Variants in ERC1 observed in about 807,000 individuals in gnomAD.
ERC1 encodes RAB6 interacting protein 2.
Under a neutral mutation model 132.0 loss-of-function variants are expected in ERC1, and 56 were observed. The ratio of observed to expected loss-of-function variants is 0.42; its 90% CI spans 0.34 to 0.53. The LOEUF is 0.53. Ranked by LOEUF, ERC1 falls within the 20% of genes least tolerant of loss-of-function variation. The pLI is 0.03. For missense variants in ERC1, 1,202 were observed against 1,349.9 expected, an observed-to-expected ratio of 0.89 and a Z score of 1.72; for synonymous variants, 478 against 476.1, an observed-to-expected ratio of 1.00 and a Z score of -0.05.
chr12:1,081,947 A>G lies in ERC1; in HGVS notation c.670-1217A>G, dbSNP rs149555340. Among the ~76,000 whole-genome samples, 905 of 145,664 alleles carry G rather than the reference A, an allele frequency of 6.2e-3. 5 individuals are homozygous for G. Among genetic ancestry groups the G allele is most frequent in the African/African-American group, 0.02 (838 of 41,356 alleles). ...TGGTACAATCTGGCATATACAAACT[A>G]CTTGTTAAATGTTAATATTTATTAT... On this transcript the variant is annotated intron_variant, in intron 2 of 18. Coordinates refer to ENST00000360905, the MANE Select transcript of ERC1 (RefSeq NM_178040.4).
intron 2 of ERC1, among the ~76,000 whole-genome samples, chr12:1,028,802 T>C (rs1967380504): frequency 6.6e-6 from 1 of 152,096 alleles, no homozygotes; most frequent in Non-Finnish European, 1.5e-5. Context: ...CTTGGTTCTT[T>C]TCTCTGGTTT....
intron 10 of ERC1, among the ~76,000 whole-genome samples, 157 bp from the exon 11 acceptor site, chr12:1,183,124 A>G (rs1954667250): frequency 6.6e-6 from 1 of 152,198 alleles, no homozygotes; most frequent in South Asian, 2.1e-4. Flanking sequence ...AGCTAGAGCT[A>G]ATATTGTTTT....
intron 8 of ERC1, among the ~76,000 whole-genome samples, chr12:1,162,891 C>T (rs552370695): frequency 7.9e-5 from 12 of 152,066 alleles, no homozygotes; most frequent in Non-Finnish European, 1.3e-4. Context: ...AGAATTTTTT[C>T]GTTTTCTTTC....
chr12:1,397,182 T>C (rs573017940), intron 16 of ERC1, among the ~76,000 whole-genome samples: 1 of 152,276 alleles, frequency 6.6e-6, no homozygotes, highest in East Asian at 1.9e-4. Context: ...CTGTGCACAT[T>C]GGGAACTCTG....
chr12:1,420,326 G>A (rs1017684839), intron 17 of ERC1, among the ~76,000 whole-genome samples: 11 of 151,910 alleles, frequency 7.2e-5, no homozygotes, highest in African/African-American at 2.7e-4. Flanking sequence ...TTTAGAAATT[G>A]GATCCAGAAA....
intron 14 of ERC1, among the ~76,000 whole-genome samples, chr12:1,269,988 A>G (rs1225276314): frequency 6.6e-6 from 1 of 152,204 alleles, no homozygotes. Flanking sequence ...ACAGAATTGA[A>G]ATAAAACCTA....
At chr12:1,017,414 T>G (rs1317542607) in intron 1 of ERC1, among the ~76,000 whole-genome samples, 1 of 152,200 alleles carries the variant, frequency 6.6e-6, no homozygotes, top group Non-Finnish European at 1.5e-5. Flanking sequence ...TCTGGTAATA[T>G]TCTTCTCAGA....
intron 8 of ERC1, among the ~76,000 whole-genome samples, chr12:1,143,357 TGTGTG>T (rs1950034205): frequency 6.7e-6 from 1 of 149,932 alleles, no homozygotes; most frequent in Non-Finnish European, 1.5e-5. Flanking sequence ...TGTGTGTGTG[TGTGTG>T]TGTGTGTGTG....
chr12:1,276,942 C>G (rs1432283658), intron 14 of ERC1, among the ~76,000 whole-genome samples: 3 of 152,082 alleles, frequency 2.0e-5, no homozygotes, highest in Non-Finnish European at 2.9e-5. Context: ...TGATAAACTA[C>G]TTTTTCATCT....
intron 15 of ERC1, among the ~76,000 whole-genome samples, chr12:1,324,405 G>A (rs1392890412): frequency 5.3e-5 from 8 of 152,134 alleles, no homozygotes; most frequent in African/African-American, 1.4e-4. Flanking sequence ...AATTCATTTC[G>A]AGGAGGTTAA....
At chr12:1,438,954 A>AAAAAAAAATATATATATATATAT (rs1015181197) in intron 17 of ERC1, among the ~76,000 whole-genome samples, 1 of 143,492 alleles carries the variant, frequency 7.0e-6, no homozygotes, top group African/African-American at 2.6e-5. Context: ...TTTAAAAAAA[A>AAAAAAAAATATATATATATATAT]ATATATATAT....
intron 14 of ERC1, among the ~76,000 whole-genome samples, chr12:1,276,169 A>C (rs147775198): frequency 6.6e-6 from 1 of 151,862 alleles, no homozygotes; most frequent in East Asian, 1.9e-4. Flanking sequence ...TACTTCTTCC[A>C]TAAAACCTTT....
intron 1 of ERC1, among the ~76,000 whole-genome samples, chr12:1,009,384 C>A (rs966222500): frequency 1.3e-5 from 2 of 152,050 alleles, no homozygotes; most frequent in African/African-American, 2.4e-5. Context: ...CCGTGTTAGC[C>A]AGGATGGTCT....
chr12:1,011,173 T>C (rs1565778305), intron 1 of ERC1, among the ~76,000 whole-genome samples: 1 of 152,188 alleles, frequency 6.6e-6, no homozygotes, highest in South Asian at 2.1e-4. Context: ...TCTCCTTTTG[T>C]TTCTGTTTAA....
rs67132193 is a variant in ERC1 at position 1,225,449 on chromosome 12, T to TACACACAC, written c.2352-11283_2352-11276dup. 4.1e-3 allele frequency among the ~76,000 whole-genome samples: 546 copies of TACACACAC among 131,816 alleles called. 7 individuals carry two copies. The highest frequency in any genetic ancestry group is 9.7e-3 in the African/African-American group (339 of 34,992). The allele number at this position is 131,816 out of a possible 152,430, so 86.5% of individuals were successfully genotyped here. A position where few individuals can be genotyped will look rare whatever the true frequency, so the allele number is the denominator to read the frequency against. ...AGGACAACAAAATGAGGCTGTCTCT[T>TACACACAC]ACACACACACACACACACACACACA... is the stretch of plus-strand genomic sequence containing the variant. On this transcript the variant is annotated intron_variant, in intron 12 of 18. Transcript: ENST00000360905.
rs562612619 is a variant in ERC1 at position 1,081,357 on chromosome 12, G to A, written c.670-1807G>A. ...TTAATTAGCCACCCATGTTGTTACCGTCCCCTGTATAAAAAGCTTTGCATA... is the reference window on the plus strand; with the variant it reads ...TTAATTAGCCACCCATGTTGTTACCATCCCCTGTATAAAAAGCTTTGCATA... On this transcript the variant is annotated intron_variant, in intron 2 of 18. Coordinates refer to ENST00000360905, the MANE Select transcript of ERC1 (RefSeq NM_178040.4). Among the ~76,000 whole-genome samples, 26 of 152,164 alleles carry A rather than the reference G, an allele frequency of 1.7e-4. 1 individual carries two copies. In the South Asian group the frequency reaches 4.1e-3, roughly 24 times the overall value.
At chr12:1,339,977 G>T (rs551948422) in intron 15 of ERC1, among the ~76,000 whole-genome samples, 6 of 152,130 alleles carry the variant, frequency 3.9e-5, no homozygotes, top group African/African-American at 1.4e-4. Context: ...ATCTGTCCAC[G>T]TACACATGTG....
chr12:1,415,910 A>T (rs1006617629), intron 17 of ERC1, among the ~76,000 whole-genome samples: 3 of 152,238 alleles, frequency 2.0e-5, no homozygotes, highest in Admixed American at 6.5e-5. Flanking sequence ...TTAAGCATTT[A>T]CTATAGGTCC....
chr12:1,038,533 G>A (rs1969554396), intron 2 of ERC1, among the ~76,000 whole-genome samples: 1 of 151,890 alleles, frequency 6.6e-6, no homozygotes, highest in African/African-American at 2.4e-5. Flanking sequence ...GCTAATTTTT[G>A]TATTTTTAGT....
Sources: gnomAD v4.1 joint callset for allele counts (sites outside exome capture counted in the v4.1 genomes callset) on GRCh38, gnomAD v4.1.1 for gene constraint, MANE v1.5 for transcripts, NCBI Gene and HGNC (gene_info 2026-07-23, HGNC 2026-07-21) for gene names.